BTBD8: variants seen among roughly 807,000 people sequenced by gnomAD.
BTBD8 encodes BTB/POZ domain-containing protein 8.
Under a neutral mutation model 162.9 loss-of-function variants are expected in BTBD8, and 110 were observed. The observed-to-expected ratio is 0.68, with a 90% CI of 0.58 to 0.79. The LOEUF (loss-of-function observed/expected upper bound fraction) is 0.79, where lower values mean the gene tolerates loss of function less well. Ranked by LOEUF, BTBD8 falls within the 30% of genes least tolerant of loss-of-function variation. The pLI is 0.00. For missense variants in BTBD8, 1,905 were observed against 2,085.4 expected (o/e 0.91, Z 1.68); for synonymous variants, 667 against 716.1 (o/e 0.93, Z 1.10).
Position 92,177,022 on chromosome 1 carries a change from A to G in BTBD8, c.1829A>G (p.Lys610Arg), listed in dbSNP as rs1429398662. 6.5e-7 allele frequency: 1 copy of G among 1,548,878 alleles called. No homozygotes were observed. Among genetic ancestry groups the G allele is most frequent in the Non-Finnish European group, 8.7e-7 (1 of 1,145,998 alleles). ...CTGAAGCAAGATGATGTAAAGGAAA[A>G]AGATGGTACAAAAATAGCATCTAAG... ...KTLKQDDVKE[K>R]DGTKIASKIT... Residue 610 changes from lysine to arginine, a missense_variant, in exon 14 of 18, where the codon AAA becomes AGA. By Grantham distance (26) the Lys-to-Arg change is conservative. Coordinates refer to ENST00000636805, the MANE Select transcript of BTBD8 (RefSeq NM_001376131.1).
chr1:92,184,117 A>C lies in BTBD8; in HGVS notation c.5166A>C (p.Leu1722Phe), dbSNP rs1651009150. Residue 1722 changes from leucine (L) to phenylalanine (F), a missense_variant, in exon 18 of 18, where the codon TTA (leucine) becomes TTC (phenylalanine). Leu to Phe is a conservative substitution (Grantham distance 22). This residue lies in a region of BTBD8 where 517 missense variants were observed against 606.6 expected (regional missense o/e 0.85). Transcript: ENST00000636805. The part of the protein sequence containing the change: ...LDVTNSVPED[L>F]SLAQYLINQT... Reference sequence around the variant, plus strand: ...TTACAAATTCCGTTCCTGAAGACTTAAGTTTAGCACAGTATCTAATCAATC... The same window carrying C: ...TTACAAATTCCGTTCCTGAAGACTTCAGTTTAGCACAGTATCTAATCAATC... The C allele has an allele frequency of 1.3e-6, 2 of 1,551,572 alleles. No homozygotes were observed.
chr1:92,137,056 G>A (rs1466848944), intron 5 of BTBD8, among the ~76,000 whole-genome samples: 4 of 152,128 alleles, frequency 2.6e-5, no homozygotes, highest in African/African-American at 4.8e-5. Context: ...CACAGTGAAC[G>A]GTATGTGCTA....
At chr1:92,146,561 C>G (rs1419341653) in intron 7 of BTBD8, among the ~76,000 whole-genome samples, 1 of 152,142 alleles carries the variant, frequency 6.6e-6, no homozygotes, top group East Asian at 1.9e-4. Flanking sequence ...ATTATAGTAT[C>G]ATACGGAGTG....
intron 3 of BTBD8, among the ~76,000 whole-genome samples, chr1:92,103,142 G>A (rs1475997356): frequency 3.9e-5 from 6 of 152,130 alleles, no homozygotes; most frequent in East Asian, 1.9e-4. Flanking sequence ...ATGAGAAAGT[G>A]GATTTCAGAA....
At chr1:92,164,580 C>T (rs193153324) in intron 9 of BTBD8, among the ~76,000 whole-genome samples, 37 of 151,914 alleles carry the variant, frequency 2.4e-4, no homozygotes, top group Admixed American at 8.5e-4. Flanking sequence ...GATTGCACCA[C>T]TGCACCCCAG....
At chr1:92,113,801 A>G (rs1648963839) in intron 4 of BTBD8, among the ~76,000 whole-genome samples, 1 of 151,940 alleles carries the variant, frequency 6.6e-6, no homozygotes, top group African/African-American at 2.4e-5. Context: ...TCATGAGGTC[A>G]GGAGATTGAG....
At chr1:92,102,407 C>T (rs1254646535) in intron 2 of BTBD8, 66 bp from the exon 3 acceptor site, 1 of 1,165,262 alleles carries the variant, frequency 8.6e-7, no homozygotes, top group Non-Finnish European at 1.1e-6. Context: ...ACTAAGGAAA[C>T]TAGCATTCTT....
chr1:92,119,347 G>A (rs1649130985), intron 4 of BTBD8, among the ~76,000 whole-genome samples: 1 of 145,192 alleles, frequency 6.9e-6, no homozygotes. Flanking sequence ...GTACAGTGAC[G>A]CGATCATGGG....
chr1:92,159,794 C>A (rs539144392), intron 9 of BTBD8, among the ~76,000 whole-genome samples: 2 of 152,262 alleles, frequency 1.3e-5, no homozygotes, highest in South Asian at 4.1e-4. Context: ...TTCTCTTGTA[C>A]ATAAGTTGCT....
At chr1:92,122,977 G>A (rs533900869) in intron 4 of BTBD8, among the ~76,000 whole-genome samples, 4 of 152,294 alleles carry the variant, frequency 2.6e-5, no homozygotes, top group South Asian at 4.1e-4. Flanking sequence ...TTTTAATTGG[G>A]TTGTGTTATT....
At chr1:92,165,805 G>A (rs533124) in intron 9 of BTBD8, among the ~76,000 whole-genome samples, 4,656 of 152,220 alleles carry the variant, frequency 0.031, 98 homozygotes, top group Non-Finnish European at 0.037. Context: ...GGCTTCTTGA[G>A]GCCTAGGCTC....
chr1:92,174,292 G>A (rs1438080867), intron 13 of BTBD8, among the ~76,000 whole-genome samples: 1 of 152,098 alleles, frequency 6.6e-6, no homozygotes, highest in African/African-American at 2.4e-5. Flanking sequence ...CTGGGCTCAA[G>A]GGATCCTTCC....
chr1:92,118,482 A>T (rs2101917207), intron 4 of BTBD8, among the ~76,000 whole-genome samples: 1 of 151,840 alleles, frequency 6.6e-6, no homozygotes, highest in South Asian at 2.1e-4. Flanking sequence ...ACATGACATC[A>T]CTGTTTATGT....
At chr1:92,110,860 T>A (rs959385741) in intron 4 of BTBD8, among the ~76,000 whole-genome samples, 4 of 152,088 alleles carry the variant, frequency 2.6e-5, no homozygotes, top group African/African-American at 4.8e-5. Flanking sequence ...TCCCATTTTT[T>A]AATGTAATTT....
intron 4 of BTBD8, among the ~76,000 whole-genome samples, chr1:92,116,448 T>G (rs930061257): frequency 6.6e-6 from 1 of 152,092 alleles, no homozygotes; most frequent in African/African-American, 2.4e-5. Context: ...CAAGTATCAT[T>G]ATAAATTTAT....
chr1:92,138,485 C>T lies in BTBD8; in HGVS notation c.753-865C>T, dbSNP rs76747816. 9.0e-3 allele frequency among the ~76,000 whole-genome samples: 1,376 copies of T among 152,312 alleles called. 17 individuals are homozygous for T. Among genetic ancestry groups the T allele is most frequent in the African/African-American group, 0.031 (1,292 of 41,568 alleles). ...GCAAGAGCCAAAGTTGGCTTGCTTACTGTATCCCTCTAAAACAGCTCACCT... is the reference window on the plus strand; with the variant it reads ...GCAAGAGCCAAAGTTGGCTTGCTTATTGTATCCCTCTAAAACAGCTCACCT... On this transcript the variant is annotated intron_variant, in intron 5 of 17. Coordinates refer to ENST00000636805, the MANE Select transcript of BTBD8 (RefSeq NM_001376131.1).
intron 7 of BTBD8, among the ~76,000 whole-genome samples, chr1:92,144,966 T>C (rs1370832109): frequency 6.6e-6 from 1 of 152,180 alleles, no homozygotes; most frequent in Non-Finnish European, 1.5e-5. Flanking sequence ...TTTTTGTTGT[T>C]GTTTTTTTGA....
In BTBD8 at chr1:92,180,935, T is replaced by C. The variant is rs1411923304; in HGVS notation, c.3252T>C (p.Phe1084=). The C allele has an allele frequency of 6.4e-7, 1 of 1,551,648 alleles. No homozygotes were observed. The highest frequency in any genetic ancestry group is 8.7e-7 in the Non-Finnish European group (1 of 1,146,986). The change falls in exon 17 of 18, where the codon TTT becomes TTC. Residue 1084 remains phenylalanine, a synonymous_variant. Transcript: ENST00000636805. ...GGAGTGATAATGTAAATTCAAAATTTTATAGCACCACAGCCCTAAAATACA... is the reference window on the plus strand; with the variant it reads ...GGAGTGATAATGTAAATTCAAAATTCTATAGCACCACAGCCCTAAAATACA... ...SVGSDNVNSK[F]YSTTALKYMV... is the part of the protein sequence containing the mutation.
In BTBD8 at chr1:92,109,114, T is replaced by C. The variant is rs114589089; in HGVS notation, c.662+1113T>C. On this transcript the variant is annotated intron_variant, in intron 4 of 17. Coordinates refer to ENST00000636805, the MANE Select transcript of BTBD8 (RefSeq NM_001376131.1). The stretch of plus-strand genomic sequence containing the variant: ...TTTGTAAATATACATATACGTATTT[T>C]CCTAATTTTTGTGAAATCTGCATTA... 3.9e-3 allele frequency among the ~76,000 whole-genome samples: 590 copies of C among 152,340 alleles called. 3 individuals carry two copies. Among genetic ancestry groups the C allele is most frequent in the African/African-American group, 0.014 (573 of 41,572 alleles).
Sources: gnomAD v4.1 joint callset for allele counts (sites outside exome capture counted in the v4.1 genomes callset) on GRCh38, gnomAD v4.1.1 for gene constraint, gnomAD v4.1.1 regional missense constraint, MANE v1.5 for transcripts, NCBI Gene and HGNC (gene_info 2026-07-23, HGNC 2026-07-21) for gene names.